CDH18: variants seen among roughly 807,000 people sequenced by gnomAD.
CDH18 encodes the protein cadherin 18.
Under a neutral mutation model 67.9 loss-of-function variants are expected in CDH18, and 31 were observed. The observed-to-expected ratio is 0.46, with a 90% CI of 0.34 to 0.62. CDH18 has a LOEUF of 0.62. CDH18 is among the 20% of genes least tolerant of loss of function. The pLI is 0.01. For synonymous variants in CDH18, 362 were observed against 347.2 expected (o/e 1.04, Z -0.48); for missense variants, 890 against 975.5 (o/e 0.91, Z 1.17).
chr5:19,689,087 T>A (rs891155604), intron 5 of CDH18, among the ~76,000 whole-genome samples: 1 of 152,010 alleles, frequency 6.6e-6, no homozygotes, highest in Non-Finnish European at 1.5e-5. Flanking sequence ...GGCAAAGAGA[T>A]ACAAAGGGCA....
intron 8 of CDH18, among the ~76,000 whole-genome samples, chr5:19,550,776 C>T (rs984815137): frequency 3.9e-5 from 6 of 152,104 alleles, no homozygotes; most frequent in South Asian, 2.1e-4. Context: ...TGGGTATATA[C>T]CCAGTAATGG....
At chr5:20,116,280 C>T (rs1747903236) in intron 2 of CDH18, among the ~76,000 whole-genome samples, 1 of 151,918 alleles carries the variant, frequency 6.6e-6, no homozygotes, top group South Asian at 2.1e-4. Flanking sequence ...AGGCCCGAGG[C>T]AGGTGGATCA....
chr5:20,490,818 G>C (rs868144799), intron 1 of CDH18, among the ~76,000 whole-genome samples: 6 of 152,036 alleles, frequency 3.9e-5, no homozygotes, highest in African/African-American at 1.4e-4. Flanking sequence ...GTAAATAAAT[G>C]AGAACATGAA....
At chr5:19,742,831 G>C (rs1185678651) in intron 4 of CDH18, among the ~76,000 whole-genome samples, 1 of 151,868 alleles carries the variant, frequency 6.6e-6, no homozygotes. Context: ...ATGAGTATAT[G>C]ATAAAAAAAG....
At chr5:19,502,499 G>A (rs889074375) in intron 11 of CDH18, among the ~76,000 whole-genome samples, 13 of 152,020 alleles carry the variant, frequency 8.6e-5, no homozygotes, top group African/African-American at 2.9e-4. Context: ...AAAATATGCT[G>A]CATACTTCTG....
At chr5:20,490,418 C>A (rs929025712) in intron 1 of CDH18, among the ~76,000 whole-genome samples, 1 of 152,020 alleles carries the variant, frequency 6.6e-6, no homozygotes, top group African/African-American at 2.4e-5. Flanking sequence ...TGCCTACCTC[C>A]CTTATTAATT....
chr5:19,803,405 T>C (rs1777671134), intron 3 of CDH18, among the ~76,000 whole-genome samples: 1 of 152,214 alleles, frequency 6.6e-6, no homozygotes, highest in Admixed American at 6.5e-5. Context: ...TAGACACATA[T>C]TTAAATTTAA....
rs574284885 is a variant in CDH18 at position 19,512,225 on chromosome 5, T to G, written c.1512+8432A>C. Among the ~76,000 whole-genome samples, 11 of 152,318 alleles carry G rather than the reference T, an allele frequency of 7.2e-5. No homozygotes were observed. In the East Asian group the frequency reaches 1.9e-3, roughly 27 times the overall value. On this transcript the variant is annotated intron_variant, in intron 10 of 12. Transcript: ENST00000382275. The stretch of plus-strand genomic sequence containing the variant: ...TTGTGCCATATTATGAGAATATACT[T>G]TAACCTTAAAGCTTTGAAATGATCT...
chr5:20,534,881 G>T (rs1292134924), intron 1 of CDH18, among the ~76,000 whole-genome samples: 1 of 148,984 alleles, frequency 6.7e-6, no homozygotes, highest in South Asian at 2.1e-4. Context: ...TTGCTCTGTT[G>T]CCCAGACCAG....
At chr5:20,463,318 C>A (rs1456864994) in intron 1 of CDH18, among the ~76,000 whole-genome samples, 1 of 151,572 alleles carries the variant, frequency 6.6e-6, no homozygotes, top group African/African-American at 2.4e-5. Flanking sequence ...AAAAAAGAGA[C>A]AACTGACAAG....
intron 1 of CDH18, among the ~76,000 whole-genome samples, chr5:20,357,196 A>T (rs1008123729): frequency 1.3e-5 from 2 of 152,128 alleles, no homozygotes; most frequent in Admixed American, 1.3e-4. Flanking sequence ...TTAAGAAAAA[A>T]GATCTTTAAT....
At chr5:19,942,063 G>C (rs1250073364) in intron 2 of CDH18, among the ~76,000 whole-genome samples, 1 of 152,004 alleles carries the variant, frequency 6.6e-6, no homozygotes, top group Non-Finnish European at 1.5e-5. Flanking sequence ...CAGGAAAGCA[G>C]ACTTCAAAAA....
At chr5:20,554,367 A>G (rs913239111) in intron 1 of CDH18, among the ~76,000 whole-genome samples, 5 of 152,346 alleles carry the variant, frequency 3.3e-5, no homozygotes, top group South Asian at 2.1e-4. Flanking sequence ...TTAACCTTCT[A>G]GATAATCTAC....
intron 1 of CDH18, among the ~76,000 whole-genome samples, chr5:20,400,255 G>A (rs1396340): frequency 0.1 from 15,939 of 151,972 alleles, 1,020 homozygotes; most frequent in East Asian, 0.23. Flanking sequence ...TGAGACGGGT[G>A]GATCATGAGG....
chr5:19,475,811 A>C (rs1738363271), intron 12 of CDH18, among the ~76,000 whole-genome samples: 1 of 152,046 alleles, frequency 6.6e-6, no homozygotes, highest in Non-Finnish European at 1.5e-5. Flanking sequence ...ACTTGAATGA[A>C]TGGTTGTGAA....
intron 2 of CDH18, among the ~76,000 whole-genome samples, chr5:19,846,251 TAAC>T (rs1375408586): frequency 3.3e-5 from 5 of 152,118 alleles, no homozygotes; most frequent in Non-Finnish European, 7.4e-5. Flanking sequence ...TTTAAGCTGA[TAAC>T]AAATTATATT....
At chr5:20,297,656 T>C (rs995127581) in intron 1 of CDH18, among the ~76,000 whole-genome samples, 17 of 152,150 alleles carry the variant, frequency 1.1e-4, no homozygotes, top group Non-Finnish European at 8.8e-5. Flanking sequence ...ACTTTTATGG[T>C]GAAATAACTA....
At chr5:20,557,703 G>A (rs898085277) in intron 1 of CDH18, among the ~76,000 whole-genome samples, 2 of 151,952 alleles carry the variant, frequency 1.3e-5, no homozygotes, top group African/African-American at 4.8e-5. Flanking sequence ...TCAAACAAAT[G>A]AGAAAATCAT....
At chr5:19,489,491 C>G (rs896283282) in intron 11 of CDH18, among the ~76,000 whole-genome samples, 7 of 151,942 alleles carry the variant, frequency 4.6e-5, no homozygotes, top group Admixed American at 3.9e-4. Context: ...TTGTGATCTG[C>G]CCCCCTTGGC....
Sources: gnomAD v4.1 joint callset for allele counts (sites outside exome capture counted in the v4.1 genomes callset) on GRCh38, gnomAD v4.1.1 for gene constraint, MANE v1.5 for transcripts, NCBI Gene and HGNC (gene_info 2026-07-23, HGNC 2026-07-21) for gene names.